RNF212: variants seen among roughly 807,000 people sequenced by gnomAD.
RNF212 encodes probable E3 SUMO-protein ligase RNF212.
Under a neutral mutation model 34.7 loss-of-function variants are expected in RNF212, and 33 were observed. The ratio of observed to expected loss-of-function variants is 0.95; its 90% CI spans 0.72 to 1.27. The LOEUF is 1.27. RNF212 is among the 50% of genes most tolerant of loss of function. RNF212 has a pLI of 0.00. For missense variants in RNF212, 377 were observed against 362.2 expected (o/e 1.04, Z -0.33); for synonymous variants, 140 against 136.1 (o/e 1.03, Z -0.20).
In RNF212 at chr4:1,096,781, G is replaced by T. The variant is rs776057140; in HGVS notation, c.230C>A (p.Ser77Tyr). 8.7e-6 allele frequency: 14 copies of T among 1,613,522 alleles called. No homozygotes were observed. Among genetic ancestry groups the T allele is most frequent in the African/African-American group, 1.3e-5 (1 of 74,924 alleles). ...MSIDSLCKKY[S>Y]RETSQILEFQ... Reference sequence around the variant, plus strand: ...ACAGCTCACCTGGGAGGTTTCCCTGGAGTACTTCTTACACAGACTGTCTAT... The same window carrying T: ...ACAGCTCACCTGGGAGGTTTCCCTGTAGTACTTCTTACACAGACTGTCTAT... Residue 77 changes from serine (S) to tyrosine (Y), a missense_variant, in exon 3 of 10, where the codon TCC becomes TAC. Coordinates refer to ENST00000433731, the MANE Select transcript of RNF212 (RefSeq NM_001131034.4).
rs79226746 is a variant in RNF212 at position 1,086,370 on chromosome 4, G to C, written c.304-416C>G. 3.1e-3 allele frequency among the ~76,000 whole-genome samples: 465 copies of C among 152,024 alleles called. 1 individual carries two copies. Among genetic ancestry groups the C allele is most frequent in the African/African-American group, 0.011 (436 of 41,482 alleles). Reference sequence around the variant, plus strand: ...GTGGGAGCTGCCAGACCCCAAGAGAGTGACTAGAGTCTAGGATCCCACTGT... The same window carrying C: ...GTGGGAGCTGCCAGACCCCAAGAGACTGACTAGAGTCTAGGATCCCACTGT... On this transcript the variant is annotated intron_variant, in intron 4 of 9. Transcript: ENST00000433731.
chr4:1,096,848 GA>G lies in RNF212; in HGVS notation c.172-10del. The G allele has an allele frequency of 6.3e-7, 1 of 1,589,920 alleles. No homozygotes were observed. The highest frequency in any genetic ancestry group is 8.6e-7 in the Non-Finnish European group (1 of 1,157,642). On this transcript the variant is annotated splice_polypyrimidine_tract_variant and intron_variant, in intron 2 of 9. Transcript: ENST00000433731. ...TGGATATCTGCGTCGGTCTGAAAGA[GA>G]AAGAAATGACTCTACATTTATTGTG...
chr4:1,079,258 C>G (rs1254528647), intron 8 of RNF212, among the ~76,000 whole-genome samples: 1 of 152,112 alleles, frequency 6.6e-6, no homozygotes, highest in Admixed American at 6.5e-5. Context: ...AACACAGGAC[C>G]AACATGGGAC....
At chr4:1,081,509 G>A (rs1171894736) in intron 6 of RNF212, 42 bp from the exon 7 acceptor site, 2 of 1,608,184 alleles carry the variant, frequency 1.2e-6, no homozygotes, top group Non-Finnish European at 1.7e-6. Context: ...AGTGCACACA[G>A]TGTGACTCAG....
chr4:1,062,278 T>C (rs1332836546), intron 3 of RNF212, among the ~76,000 whole-genome samples: 1 of 152,154 alleles, frequency 6.6e-6, no homozygotes, highest in Non-Finnish European at 1.5e-5. Context: ...AGAAAGATCA[T>C]ACACCACGAC....
At chr4:1,086,076 T>C in intron 4 of RNF212, 122 bp from the exon 5 acceptor site, 1 of 743,280 alleles carries the variant, frequency 1.3e-6, no homozygotes, top group Admixed American at 2.0e-5. Flanking sequence ...GCCCTCACGC[T>C]GCTCAGGAGT....
intron 3 of RNF212, among the ~76,000 whole-genome samples, chr4:1,094,410 G>A (rs1315552847): frequency 2.6e-5 from 4 of 152,196 alleles, no homozygotes; most frequent in Non-Finnish European, 2.9e-5. Context: ...AGCTGGGGGT[G>A]GGGGAGGCTT....
At chr4:1,096,886 C>T (rs1723151799) in intron 2 of RNF212, 47 bp from the exon 3 acceptor site, 9 of 1,373,084 alleles carry the variant, frequency 6.6e-6, no homozygotes, top group Non-Finnish European at 8.3e-6. Context: ...CTAATAAACG[C>T]TTCTGGCCCC....
intron 3 of RNF212, chr4:1,094,115 G>A (rs1722666917): frequency 2.2e-6 from 3 of 1,359,888 alleles, no homozygotes; most frequent in Admixed American, 2.6e-5. Flanking sequence ...GCCCATGAAG[G>A]AGAGTGCCAT....
intron 4 of RNF212, 126 bp downstream of exon 4, chr4:1,090,654 AAC>A (rs1479028378): frequency 1.5e-6 from 1 of 681,624 alleles, no homozygotes; most frequent in Non-Finnish European, 2.7e-6. Flanking sequence ...CATAGCTGGA[AAC>A]ACACAGAGAA....
At chr4:1,057,698 C>T (rs60315584) in intron 4 of RNF212, among the ~76,000 whole-genome samples, 33,765 of 152,164 alleles carry the variant, frequency 0.22, 6,748 homozygotes, top group African/African-American at 0.54. Context: ...TAGAACAGCA[C>T]GCAGTCACCA....
intron 3 of RNF212, chr4:1,093,455 A>G (rs550731150): frequency 2.1e-6 from 3 of 1,439,868 alleles, no homozygotes; most frequent in East Asian, 2.5e-5. Context: ...AGCTGCGGGA[A>G]AACTCCACCC....
At chr4:1,109,425 C>G (rs1262868975) in intron 1 of RNF212, among the ~76,000 whole-genome samples, 1 of 152,206 alleles carries the variant, frequency 6.6e-6, no homozygotes, top group Admixed American at 6.5e-5. Flanking sequence ...GCACTATGAG[C>G]CTTCACACTC....
chr4:1,080,016 A>C (rs995805075), intron 7 of RNF212, among the ~76,000 whole-genome samples: 3 of 152,144 alleles, frequency 2.0e-5, no homozygotes, highest in Non-Finnish European at 2.9e-5. Context: ...TCTCTCTGCC[A>C]ACACCTGCCT....
chr4:1,075,956 C>T (rs1038046669), intron 8 of RNF212, among the ~76,000 whole-genome samples: 34 of 152,138 alleles, frequency 2.2e-4, no homozygotes, highest in South Asian at 1.0e-3. Context: ...GGTACTGTGT[C>T]TGGCCACCTC....
chr4:1,079,604 C>G (rs1317227183), intron 8 of RNF212, 39 bp downstream of exon 8: 2 of 1,405,872 alleles, frequency 1.4e-6, no homozygotes, highest in South Asian at 2.3e-5. Context: ...TGCCACACGT[C>G]TGGTATACAG....
At chr4:1,109,314 T>C (rs991387550) in intron 1 of RNF212, among the ~76,000 whole-genome samples, 1 of 152,198 alleles carries the variant, frequency 6.6e-6, no homozygotes, top group African/African-American at 2.4e-5. Flanking sequence ...AGCCTATGAT[T>C]AGGCTTTATA....
At chr4:1,069,158 C>T (rs1718278943), downstream of RNF212, among the ~76,000 whole-genome samples, 1 of 151,906 alleles carries the variant, frequency 6.6e-6, no homozygotes, top group Non-Finnish European at 1.5e-5. Flanking sequence ...TTGCAGTCAG[C>T]CGAGATTGCA....
downstream of RNF212, among the ~76,000 whole-genome samples, chr4:1,066,522 G>A (rs550725336): frequency 2.6e-4 from 39 of 152,070 alleles, no homozygotes; most frequent in Admixed American, 9.8e-4. Flanking sequence ...TAGAGATGGG[G>A]GTTTCACCAT....
Sources: gnomAD v4.1 joint callset for allele counts (sites outside exome capture counted in the v4.1 genomes callset) on GRCh38, gnomAD v4.1.1 for gene constraint, MANE v1.5 for transcripts, NCBI Gene and HGNC (gene_info 2026-07-23, HGNC 2026-07-21) for gene names.